The following CLTB variants were observed in gnomAD, a reference collection of about 807,000 sequenced individuals.
CLTB encodes the protein clathrin, light chain (Lcb).
In CLTB, 10 loss-of-function variants were observed where a neutral mutation model predicts 30.5. The observed-to-expected ratio is 0.33, with a 90% CI of 0.20 to 0.56. The LOEUF (loss-of-function observed/expected upper bound fraction) is 0.56, where lower values mean the gene tolerates loss of function less well. CLTB is among the 20% of genes least tolerant of loss of function. The probability of loss-of-function intolerance (pLI) is 0.91; values close to 1 mark genes in which losing one functional copy is unlikely to be tolerated. For synonymous variants in CLTB, 102 were observed against 120.3 expected (o/e 0.85, Z 1.00); for missense variants, 261 against 308.3 (o/e 0.85, Z 1.15).
intron 1 of CLTB, among the ~76,000 whole-genome samples, chr5:176,414,889 GAC>G (rs1377350419): frequency 6.6e-6 from 1 of 152,200 alleles, no homozygotes; most frequent in African/African-American, 2.4e-5. Context: ...CCAGCGTCCT[GAC>G]ACACAGTAGG....
chr5:176,402,551 T>C (rs1426644613), intron 2 of CLTB, among the ~76,000 whole-genome samples: 1 of 150,476 alleles, frequency 6.6e-6, no homozygotes, highest in Non-Finnish European at 1.5e-5. Context: ...CCTTGGCTTG[T>C]TTACCTGTTT....
chr5:176,392,702 C>T lies in CLTB; in HGVS notation c.*72G>A, dbSNP rs1415074847. ...GGTAGCAGCTGCTGCGAGTCTCCAC[C>T]CCGACCAAAGCAGCTGCTCCTCCTG... On this transcript the variant is annotated 3_prime_UTR_variant, in exon 6 of 6. Transcript: ENST00000310418. The surrounding 1 kb of genome is among the most constrained non-coding windows in gnomAD (Gnocchi z 5.2). The T allele has an allele frequency of 6.4e-7, 1 of 1,558,572 alleles. No homozygotes were observed. Among genetic ancestry groups the T allele is most frequent in the East Asian group, 2.3e-5 (1 of 44,376 alleles).
chr5:176,410,247 C>T lies in CLTB; in HGVS notation c.234+10G>A. 1 of 1,613,634 alleles carries T rather than the reference C, an allele frequency of 6.2e-7. No individual in the cohort carries two copies. Among genetic ancestry groups the T allele is most frequent in the Non-Finnish European group, 8.5e-7 (1 of 1,179,630 alleles). On this transcript the variant is annotated intron_variant, in intron 2 of 5. Transcript: ENST00000310418. ...GGTCCTTACCACTGCTGAGACAGAG[C>T]CTTGCTTACCTGAAACACATCTCCA... is the stretch of plus-strand genomic sequence containing the variant.
At chr5:176,412,671 C>T (rs1348314097) in intron 1 of CLTB, among the ~76,000 whole-genome samples, 2 of 152,136 alleles carry the variant, frequency 1.3e-5, no homozygotes, top group East Asian at 3.9e-4. Flanking sequence ...TGGAAATAAT[C>T]CCCGGGTGAC....
rs533464023 is a variant in CLTB, at chr5:176,398,663, G to A, written c.235-616C>T. 1.5e-4 allele frequency among the ~76,000 whole-genome samples: 23 copies of A among 151,042 alleles called. No homozygotes were observed. In the South Asian group the frequency reaches 4.8e-3, roughly 32 times the overall value. Reference sequence around the variant, plus strand: ...GGAGGCAGAGGTTGCAGTGAGCCGAGATCACACCATTGCACTCCAGCCTGG... The same window carrying A: ...GGAGGCAGAGGTTGCAGTGAGCCGAAATCACACCATTGCACTCCAGCCTGG... On this transcript the variant is annotated intron_variant, in intron 2 of 5. Transcript: ENST00000310418.
At position 176,416,195 on chromosome 5, in the gene CLTB, G is replaced by A. The variant is rs1173622395; in HGVS notation, c.169C>T (p.Pro57Ser). 1.3e-6 allele frequency: 2 copies of A among 1,586,258 alleles called. No individual in the cohort carries two copies. Among genetic ancestry groups the A allele is most frequent in the Non-Finnish European group, 1.7e-6 (2 of 1,170,176 alleles). ...PAGSHAAPAQ[P>S]GPTSGAGSED... ...GACTCACCCCCACTCGTGGGGCCCGGCTGCGCGGGGGCCGCATGGCTGCCG... is the reference window on the plus strand; with the variant it reads ...GACTCACCCCCACTCGTGGGGCCCGACTGCGCGGGGGCCGCATGGCTGCCG... Residue 57 changes from proline to serine, a missense_variant, in exon 1 of 6, where the codon CCG (proline) becomes TCG (serine). By Grantham distance (74) the Pro-to-Ser change is moderately conservative. This residue lies in a region of CLTB where 113 missense variants were observed against 102.5 expected (regional missense o/e 1.10). Coordinates refer to ENST00000310418, the MANE Select transcript of CLTB (RefSeq NM_007097.5).
At chr5:176,407,032 T>C (rs1757158543) in intron 2 of CLTB, among the ~76,000 whole-genome samples, 1 of 152,192 alleles carries the variant, frequency 6.6e-6, no homozygotes, top group Non-Finnish European at 1.5e-5. Context: ...ACTGATGTGA[T>C]ATGATTTACA....
At chr5:176,398,864 A>C (rs1489327407) in intron 2 of CLTB, among the ~76,000 whole-genome samples, 1 of 151,220 alleles carries the variant, frequency 6.6e-6, no homozygotes, top group Non-Finnish European at 1.5e-5. Flanking sequence ...TTTTTTTGAG[A>C]TGGAGTGTCC....
rs777522031 is a variant in CLTB at position 176,398,023 on chromosome 5, A to G, written c.259T>C (p.Tyr87His). The part of the protein sequence containing the change: ...FQEANGPADG[Y>H]AAIAQADRLT... ...CTGTCAGCCTGGGCAATGGCTGCGTAGCCATCAGCAGGACCGTTGGCCTCC... is the reference window on the plus strand; with the variant it reads ...CTGTCAGCCTGGGCAATGGCTGCGTGGCCATCAGCAGGACCGTTGGCCTCC... The change falls in exon 3 of 6, where the codon TAC becomes CAC. Residue 87 changes from tyrosine to histidine, a missense_variant. Transcript: ENST00000310418. The G allele has an allele frequency of 3.1e-5, 50 of 1,613,892 alleles. No individual in the cohort carries two copies. The highest frequency in any genetic ancestry group is 4.1e-5 in the Non-Finnish European group (48 of 1,180,048).
chr5:176,394,628 C>CA (rs1405200673), intron 5 of CLTB, among the ~76,000 whole-genome samples: 1 of 149,392 alleles, frequency 6.7e-6, no homozygotes, highest in Non-Finnish European at 1.5e-5. Context: ...TCCTGGCTAA[C>CA]ACGGTGAAAC....
chr5:176,410,368 T>C, intron 1 of CLTB, 65 bp from the exon 2 acceptor site: 4 of 1,444,800 alleles, frequency 2.8e-6, no homozygotes. Flanking sequence ...GAAATGGTCC[T>C]ACATTAGCCC....
Position 176,393,069 on chromosome 5 carries a change from G to T in CLTB, c.519-124C>A. 1 of 1,073,604 alleles carries T rather than the reference G, an allele frequency of 9.3e-7. No individual in the cohort carries two copies. Among genetic ancestry groups the T allele is most frequent in the Non-Finnish European group, 1.4e-6 (1 of 721,048 alleles). 66.5% of individuals were successfully genotyped at this position (1,073,604 alleles called of 1,614,324 possible). A position where few individuals can be genotyped will look rare whatever the true frequency, so the allele number is the denominator to read the frequency against. On this transcript the variant is annotated intron_variant, in intron 5 of 5. Transcript: ENST00000310418. This position sits in a 1 kb window ranked among gnomAD's most constrained non-coding sequence, Gnocchi z 4.4. ...GTCCTCCCCAGCCTTGTGCCCCCCT[G>T]ACTTCAGAGGAGGGCAGCCTTGGCG...
At chr5:176,404,507 C>G (rs1407547877) in intron 2 of CLTB, among the ~76,000 whole-genome samples, 1 of 152,226 alleles carries the variant, frequency 6.6e-6, no homozygotes, top group Admixed American at 6.5e-5. Flanking sequence ...TGGGAAAAAG[C>G]AGAAAGTGAA....
chr5:176,413,822 G>A (rs949926154), intron 1 of CLTB, among the ~76,000 whole-genome samples: 2 of 152,170 alleles, frequency 1.3e-5, no homozygotes, highest in Non-Finnish European at 1.5e-5. Flanking sequence ...CCTGCTCCCC[G>A]ATCCAACTAA....
intron 1 of CLTB, among the ~76,000 whole-genome samples, chr5:176,413,609 G>A (rs1757555949): frequency 6.6e-6 from 1 of 152,242 alleles, no homozygotes; most frequent in African/African-American, 2.4e-5. Flanking sequence ...AGGTGCCTCA[G>A]AGGTACTGAC....
intron 5 of CLTB, among the ~76,000 whole-genome samples, chr5:176,394,888 A>T (rs1033490622): frequency 4.0e-5 from 6 of 151,210 alleles, no homozygotes; most frequent in African/African-American, 1.5e-4. Flanking sequence ...TCTCTGGGCC[A>T]TTTCCTCAGG....
intron 5 of CLTB, among the ~76,000 whole-genome samples, chr5:176,395,341 A>G (rs1341974491): frequency 6.6e-6 from 1 of 152,148 alleles, no homozygotes; most frequent in African/African-American, 2.4e-5. Context: ...GGCCCTTATC[A>G]TAACACACTC....
intron 2 of CLTB, among the ~76,000 whole-genome samples, chr5:176,401,444 G>A (rs988114873): frequency 2.0e-5 from 3 of 152,214 alleles, no homozygotes; most frequent in East Asian, 1.9e-4. Flanking sequence ...GCCAGCCCAT[G>A]TGGGTGTTTT....
intron 4 of CLTB, 53 bp downstream of exon 4, chr5:176,397,554 C>T: frequency 1.7e-6 from 2 of 1,199,028 alleles, no homozygotes; most frequent in Non-Finnish European, 2.4e-6. Flanking sequence ...CTCATGTCCC[C>T]ACAGCCCCCC....
Sources: allele counts gnomAD v4.1 joint callset (sites outside exome capture counted in the v4.1 genomes callset), GRCh38; gene constraint gnomAD v4.1.1; regional missense constraint gnomAD v4.1.1; non-coding constraint Gnocchi (gnomAD v3.1); transcripts MANE v1.5; gene names NCBI Gene and HGNC (gene_info 2026-07-23, HGNC 2026-07-21).